SREK1IP1: variants seen among roughly 807,000 people sequenced by gnomAD.
SREK1IP1 encodes the protein SREK1 interacting protein 1.
SREK1IP1 carries 12 observed loss-of-function variants against 22.8 expected under a neutral mutation model. That is an observed-to-expected ratio of 0.53 (90% confidence interval 0.34 to 0.85). The LOEUF (loss-of-function observed/expected upper bound fraction) is 0.85, where lower values mean the gene tolerates loss of function less well. SREK1IP1 is among the 40% of genes least tolerant of loss of function. SREK1IP1 has a pLI of 0.02. For missense variants in SREK1IP1, 147 were observed against 171.8 expected (o/e 0.86, Z 0.81); for synonymous variants, 53 against 52.7 (o/e 1.01, Z -0.02).
At position 64,723,280 on chromosome 5, in the gene SREK1IP1, T is replaced by C. The variant is rs189350218; in HGVS notation, c.*1104A>G. ...CTCTTAAATTTTAAAAAGTACAGAA[T>C]AAAATTCTCAATTCTTTTTTTGACA... On this transcript the variant is annotated 3_prime_UTR_variant, in exon 5 of 5. Coordinates refer to ENST00000513458, the MANE Select transcript of SREK1IP1 (RefSeq NM_173829.4). The C allele has an allele frequency of 6.6e-6, 1 of 152,292 alleles. No homozygotes were observed. Among genetic ancestry groups the C allele is most frequent in the Non-Finnish European group, 1.5e-5 (1 of 67,990 alleles). The allele number at this position is 152,292 out of a possible 1,614,324, so 9.4% of individuals were successfully genotyped here.
chr5:64,741,398 C>T (rs774057840), intron 2 of SREK1IP1, among the ~76,000 whole-genome samples, 198 bp from the exon 3 acceptor site: 19 of 152,042 alleles, frequency 1.2e-4, no homozygotes, highest in Non-Finnish European at 2.5e-4. Context: ...TCAGAAAGAA[C>T]TTTTTCCTTT....
Position 64,718,938 on chromosome 5 carries a change from A to C in SREK1IP1, c.*5446T>G, listed in dbSNP as rs1447666934. On this transcript the variant is annotated 3_prime_UTR_variant, in exon 5 of 5. Transcript: ENST00000513458. ...CCATAGCCAAAAACTAGCATTTCAA[A>C]ATGTGCTGAATACAGCTTCTCTGGT... The C allele has an allele frequency of 6.6e-6, 1 of 152,230 alleles. No homozygotes were observed. Among genetic ancestry groups the C allele is most frequent in the Non-Finnish European group, 1.5e-5 (1 of 68,034 alleles). The allele number at this position is 152,230 out of a possible 1,614,324, so 9.4% of individuals were successfully genotyped here. A position where few individuals can be genotyped will look rare whatever the true frequency, so the allele number is the denominator to read the frequency against.
intron 1 of SREK1IP1, among the ~76,000 whole-genome samples, chr5:64,758,581 G>A (rs894970434): frequency 9.2e-5 from 14 of 152,264 alleles, no homozygotes; most frequent in East Asian, 1.9e-4. Flanking sequence ...TGGGGTCAGC[G>A]TTAAATCTGT....
At chr5:64,759,816 T>A (rs1742913889) in intron 1 of SREK1IP1, among the ~76,000 whole-genome samples, 1 of 152,130 alleles carries the variant, frequency 6.6e-6, no homozygotes. Flanking sequence ...TTTTCACTTA[T>A]CAGAATCGCA....
At chr5:64,740,423 T>C (rs1181555369) in intron 3 of SREK1IP1, among the ~76,000 whole-genome samples, 1 of 152,130 alleles carries the variant, frequency 6.6e-6, no homozygotes, top group African/African-American at 2.4e-5. Flanking sequence ...TATCCAAGCA[T>C]AAAATGAGTA....
intron 2 of SREK1IP1, among the ~76,000 whole-genome samples, chr5:64,748,675 T>C (rs1331065514): frequency 6.6e-6 from 1 of 152,184 alleles, no homozygotes; most frequent in Non-Finnish European, 1.5e-5. Flanking sequence ...AAGCCAGTCA[T>C]TGATCCAAAC....
chr5:64,765,320 G>T (rs1743017350), intron 1 of SREK1IP1, among the ~76,000 whole-genome samples: 1 of 152,070 alleles, frequency 6.6e-6, no homozygotes, highest in South Asian at 2.1e-4. Context: ...AACAGACAAG[G>T]CTGATTTTTA....
At chr5:64,760,483 T>C (rs1222809074) in intron 1 of SREK1IP1, among the ~76,000 whole-genome samples, 1 of 152,216 alleles carries the variant, frequency 6.6e-6, no homozygotes, top group Non-Finnish European at 1.5e-5. Flanking sequence ...TGGGCCTTAA[T>C]AAGCACATTC....
intron 2 of SREK1IP1, among the ~76,000 whole-genome samples, chr5:64,748,114 G>A (rs1303938287): frequency 6.6e-6 from 1 of 152,164 alleles, no homozygotes; most frequent in African/African-American, 2.4e-5. Flanking sequence ...ATCCACAGTG[G>A]AATGGATAAA....
intron 1 of SREK1IP1, among the ~76,000 whole-genome samples, chr5:64,760,252 C>G (rs1281872041): frequency 6.6e-6 from 1 of 152,184 alleles, no homozygotes; most frequent in African/African-American, 2.4e-5. Flanking sequence ...GATGATAGAG[C>G]AGGAGCACTG....
intron 3 of SREK1IP1, among the ~76,000 whole-genome samples, chr5:64,734,305 T>C (rs987191991): frequency 2.6e-5 from 4 of 152,120 alleles, no homozygotes; most frequent in Admixed American, 6.5e-5. Flanking sequence ...AATCTTGAAA[T>C]GAGGTTGTGT....
At position 64,722,071 on chromosome 5, in the gene SREK1IP1, T is replaced by C. The variant is rs1046996603; in HGVS notation, c.*2313A>G. 3 of 152,150 alleles carry C rather than the reference T, an allele frequency of 2.0e-5. No individual in the cohort carries two copies. The highest frequency in any genetic ancestry group is 7.2e-5 in the African/African-American group (3 of 41,434). 9.4% of individuals were successfully genotyped at this position (152,150 alleles called of 1,614,324 possible). A position where few individuals can be genotyped will look rare whatever the true frequency, so the allele number is the denominator to read the frequency against. ...TTCATTAATTTTCTTCTAAAACATA[T>C]TCATGAGATTTGCATCCAATCTCAA... On this transcript the variant is annotated 3_prime_UTR_variant, in exon 5 of 5. Transcript: ENST00000513458.
chr5:64,737,855 A>G (rs1742492079), intron 3 of SREK1IP1, among the ~76,000 whole-genome samples: 1 of 152,210 alleles, frequency 6.6e-6, no homozygotes, highest in African/African-American at 2.4e-5. Flanking sequence ...TCCTTGAAAC[A>G]TAAAATGTAT....
At chr5:64,725,078 T>C (rs1048995326) in intron 4 of SREK1IP1, among the ~76,000 whole-genome samples, 6 of 152,170 alleles carry the variant, frequency 3.9e-5, no homozygotes, top group African/African-American at 1.4e-4. Flanking sequence ...TTCTGATTTT[T>C]CAAGTACTTG....
intron 2 of SREK1IP1, 98 bp downstream of exon 2, chr5:64,754,217 A>G (rs1473345458): frequency 7.0e-6 from 8 of 1,137,964 alleles, no homozygotes; most frequent in South Asian, 2.6e-5. Context: ...GGACTATGCA[A>G]CTGGGCCCCT....
chr5:64,745,174 T>C (rs1486606433), intron 2 of SREK1IP1, among the ~76,000 whole-genome samples: 4 of 152,196 alleles, frequency 2.6e-5, no homozygotes, highest in Non-Finnish European at 4.4e-5. Context: ...TTCTTTTGAG[T>C]TGGGTTTTTT....
At chr5:64,767,366 CTG>C (rs1426229557) in intron 1 of SREK1IP1, among the ~76,000 whole-genome samples, 1 of 152,186 alleles carries the variant, frequency 6.6e-6, no homozygotes, top group Non-Finnish European at 1.5e-5. Flanking sequence ...ATTCTAAGTT[CTG>C]TGTGAAGCGT....
chr5:64,765,717 G>A, intron 1 of SREK1IP1, among the ~76,000 whole-genome samples: 1 of 152,318 alleles, frequency 6.6e-6, no homozygotes, highest in East Asian at 1.9e-4. Flanking sequence ...TGAATTGAAA[G>A]AAGGTTAACA....
At chr5:64,729,443 TATGAATAAGA>T (rs1415739022) in intron 3 of SREK1IP1, among the ~76,000 whole-genome samples, 5 of 152,128 alleles carry the variant, frequency 3.3e-5, no homozygotes, top group Admixed American at 3.3e-4. Flanking sequence ...GAGGGGCAAC[TATGAATAAGA>T]ATGAACATGA....
Sources: allele counts gnomAD v4.1 joint callset (sites outside exome capture counted in the v4.1 genomes callset), GRCh38; gene constraint gnomAD v4.1.1; transcripts MANE v1.5; gene names NCBI Gene and HGNC (gene_info 2026-07-23, HGNC 2026-07-21).